Variants in CACNA2D1 observed in about 807,000 individuals in gnomAD.
CACNA2D1 encodes the protein calcium voltage-gated channel auxiliary subunit alpha2delta 1, also known as voltage-dependent calcium channel subunit alpha-2/delta-1.
Under a neutral mutation model 171.5 loss-of-function variants are expected in CACNA2D1, and 53 were observed. The ratio of observed to expected loss-of-function variants is 0.31; its 90% CI spans 0.25 to 0.39. The LOEUF is 0.39. CACNA2D1 is among the 10% of genes least tolerant of loss of function. The pLI is 1.00. For synonymous variants in CACNA2D1, 442 were observed against 443.1 expected (o/e 1.00, Z 0.03); for missense variants, 903 against 1,299.8 (o/e 0.69, Z 4.69).
At chr7:82,210,177 TAAG>T (rs1455769593) in intron 3 of CACNA2D1, among the ~76,000 whole-genome samples, 1 of 152,162 alleles carries the variant, frequency 6.6e-6, no homozygotes, top group Non-Finnish European at 1.5e-5. Flanking sequence ...TAATTAATAA[TAAG>T]TTCATTGTTT....
intron 21 of CACNA2D1, among the ~76,000 whole-genome samples, chr7:81,989,634 G>A (rs756774281): frequency 6.6e-6 from 1 of 152,164 alleles, no homozygotes. Context: ...GAGGTTAGAG[G>A]TCATGAATTT....
In CACNA2D1 at chr7:81,970,499, G is replaced by A. The variant is rs1795157333; in HGVS notation, c.2204+176C>T. On this transcript the variant is annotated intron_variant, in intron 27 of 38. Coordinates refer to ENST00000356860, the MANE Select transcript of CACNA2D1 (RefSeq NM_000722.4). ...AAACATCATTGAAGAATTTTATAATGTCATTTTTCAGAGAAATAAAATCTT... is the reference window on the plus strand; with the variant it reads ...AAACATCATTGAAGAATTTTATAATATCATTTTTCAGAGAAATAAAATCTT... Among the ~76,000 whole-genome samples, 3 of 151,472 alleles carry A rather than the reference G, an allele frequency of 2.0e-5. No individual in the cohort carries two copies. In the South Asian group the frequency reaches 6.2e-4, roughly 31 times the overall value.
chr7:82,096,790 G>C (rs927076161), intron 6 of CACNA2D1, among the ~76,000 whole-genome samples: 2 of 150,916 alleles, frequency 1.3e-5, no homozygotes, highest in East Asian at 1.9e-4. Flanking sequence ...GAAAGAAAAA[G>C]GTCTAACTCC....
At chr7:82,387,552 T>C (rs1025916447) in intron 1 of CACNA2D1, among the ~76,000 whole-genome samples, 16 of 152,074 alleles carry the variant, frequency 1.1e-4, no homozygotes, top group African/African-American at 2.9e-4. Context: ...ATAAATTTTA[T>C]TTATGAAGTT....
intron 11 of CACNA2D1, among the ~76,000 whole-genome samples, chr7:82,034,859 G>A (rs138570868): frequency 4.2e-4 from 64 of 152,066 alleles, no homozygotes; most frequent in African/African-American, 1.5e-3. Context: ...AACATTTCCC[G>A]AGAGAGAGAT....
rs138377929 is a variant in CACNA2D1, at chr7:81,995,569, C to T, written c.1663-630G>A. 4.1e-4 allele frequency among the ~76,000 whole-genome samples: 62 copies of T among 152,058 alleles called. 1 individual carries two copies. In the East Asian group the frequency reaches 0.01, roughly 25 times the overall value. ...ATTCCAGCACTTTGGGAGGCCGAGG[C>T]GGACAAATTGCCTGAGGTTGAGAGT... On this transcript the variant is annotated intron_variant, in intron 19 of 38. Transcript: ENST00000356860.
intron 31 of CACNA2D1, among the ~76,000 whole-genome samples, chr7:81,966,206 ACT>A: frequency 6.6e-6 from 1 of 151,688 alleles, no homozygotes; most frequent in Admixed American, 6.6e-5. Context: ...CATGGTTAAT[ACT>A]TACTTCACCC....
At chr7:82,052,717 A>C (rs550942744) in intron 10 of CACNA2D1, among the ~76,000 whole-genome samples, 1 of 152,342 alleles carries the variant, frequency 6.6e-6, no homozygotes, top group Non-Finnish European at 1.5e-5. Context: ...AGAGCAAAAG[A>C]TACACGGTAA....
At chr7:81,981,335 T>C (rs749184188) in intron 24 of CACNA2D1, among the ~76,000 whole-genome samples, 1 of 152,144 alleles carries the variant, frequency 6.6e-6, no homozygotes, top group Non-Finnish European at 1.5e-5. Context: ...GAAAGCACAC[T>C]GTCAAAGGAC....
At chr7:82,058,215 C>G (rs1806178454) in intron 10 of CACNA2D1, among the ~76,000 whole-genome samples, 1 of 152,172 alleles carries the variant, frequency 6.6e-6, no homozygotes, top group South Asian at 2.1e-4. Flanking sequence ...TTCCTTCCAT[C>G]CACTGCCTGA....
At chr7:81,983,283 G>C (rs1796621954) in intron 23 of CACNA2D1, 31 bp downstream of exon 23, 1 of 1,579,130 alleles carries the variant, frequency 6.3e-7, no homozygotes, top group Admixed American at 1.7e-5. Flanking sequence ...GTACTAAACA[G>C]AAAGAAGTTG....
At chr7:82,330,046 T>C (rs929515298) in intron 3 of CACNA2D1, among the ~76,000 whole-genome samples, 1 of 143,408 alleles carries the variant, frequency 7.0e-6, no homozygotes, top group African/African-American at 2.7e-5. Context: ...TAACATGATT[T>C]TATATAGTAA....
intron 3 of CACNA2D1, among the ~76,000 whole-genome samples, chr7:82,322,826 A>T (rs997881656): frequency 6.6e-6 from 1 of 152,218 alleles, no homozygotes; most frequent in African/African-American, 2.4e-5. Context: ...GTGTATATAA[A>T]AAAGCCAGGA....
At chr7:82,071,074 T>C (rs1045663778) in intron 7 of CACNA2D1, among the ~76,000 whole-genome samples, 1 of 152,182 alleles carries the variant, frequency 6.6e-6, no homozygotes, top group Non-Finnish European at 1.5e-5. Flanking sequence ...GGCATTGTTG[T>C]TGATGTTGTG....
intron 10 of CACNA2D1, among the ~76,000 whole-genome samples, chr7:82,045,335 CTGTTTT>C (rs571824294): frequency 2.0e-4 from 30 of 152,150 alleles, no homozygotes; most frequent in South Asian, 4.1e-4. Flanking sequence ...TTGTGTAGTT[CTGTTTT>C]TCCAGATTGT....
At chr7:81,963,665 G>C (rs901759181) in intron 34 of CACNA2D1, among the ~76,000 whole-genome samples, 2 of 151,932 alleles carry the variant, frequency 1.3e-5, no homozygotes, top group African/African-American at 4.8e-5. Context: ...CCATGAATTT[G>C]ATGCATGTAG....
chr7:82,041,245 G>A (rs571487963), intron 10 of CACNA2D1, among the ~76,000 whole-genome samples: 1 of 152,006 alleles, frequency 6.6e-6, no homozygotes, highest in Non-Finnish European at 1.5e-5. Context: ...AGAGAAGGAA[G>A]AAAAAGATGC....
chr7:82,198,964 C>T (rs537903283), intron 3 of CACNA2D1, among the ~76,000 whole-genome samples: 1 of 151,974 alleles, frequency 6.6e-6, no homozygotes, highest in African/African-American at 2.4e-5. Flanking sequence ...TTCTCATTTT[C>T]TCACATTTAC....
At chr7:82,404,963 C>T (rs1057348991) in intron 1 of CACNA2D1, among the ~76,000 whole-genome samples, 2 of 152,200 alleles carry the variant, frequency 1.3e-5, no homozygotes, top group Admixed American at 6.5e-5. Flanking sequence ...ATGTAAGACA[C>T]TTTCCTGATT....
Sources: gnomAD v4.1 joint callset for allele counts (sites outside exome capture counted in the v4.1 genomes callset) on GRCh38, gnomAD v4.1.1 for gene constraint, MANE v1.5 for transcripts, NCBI Gene and HGNC (gene_info 2026-07-23, HGNC 2026-07-21) for gene names.